Variants in GLI2 observed in about 807,000 individuals in gnomAD.
The protein encoded by GLI2 is GLI family zinc finger 2, also known as transcription activator GLI2.
A neutral mutation model predicts 78.9 loss-of-function variants in GLI2; 22 were observed. The ratio of observed to expected loss-of-function variants is 0.28; its 90% CI spans 0.20 to 0.40. The LOEUF is 0.40. Ranked by LOEUF, GLI2 falls within the 10% of genes least tolerant of loss-of-function variation. The pLI is 1.00. For synonymous variants in GLI2, 974 were observed against 963.7 expected (o/e 1.01, Z -0.20); for missense variants, 2,097 against 2,213.2 (o/e 0.95, Z 1.05).
At chr2:120,939,935 C>A (rs186026364) in intron 3 of GLI2, among the ~76,000 whole-genome samples, 169 of 152,332 alleles carry the variant, frequency 1.1e-3, no homozygotes, top group African/African-American at 3.8e-3. Flanking sequence ...CTTGCCCCAT[C>A]ACTTTGGAGG....
intron 5 of GLI2, among the ~76,000 whole-genome samples, chr2:120,960,840 C>T (rs1681517837): frequency 6.6e-6 from 1 of 152,338 alleles, no homozygotes; most frequent in South Asian, 2.1e-4. Flanking sequence ...TGATGAAAAC[C>T]CACCCTCCCT....
In GLI2 at chr2:120,989,261, A is replaced by G. The variant is rs202220727; in HGVS notation, c.3296A>G (p.Asn1099Ser). The change falls in exon 14 of 14, where the codon AAC becomes AGC. Residue 1099 changes from asparagine (N) to serine (S), a missense_variant. This residue lies in a region of GLI2 where 1,290 missense variants were observed against 1,261.7 expected (regional missense o/e 1.02). Coordinates refer to ENST00000361492, the MANE Select transcript of GLI2 (RefSeq NM_001374353.1). ...CGCAGGATGGTGGCTGCGGACTCCA[A>G]CGTGGGCCCCTCCGCCCCTATGCTG... ...GQRRMVAADSNVGPSAPMLGG... is the reference protein window; with the variant it reads ...GQRRMVAADSSVGPSAPMLGG... 3.1e-6 allele frequency: 5 copies of G among 1,613,086 alleles called. No individual in the cohort carries two copies. The highest frequency in any genetic ancestry group is 1.3e-5 in the African/African-American group (1 of 75,054).
chr2:120,893,603 G>A (rs1368840425), intron 2 of GLI2, among the ~76,000 whole-genome samples: 1 of 151,616 alleles, frequency 6.6e-6, no homozygotes, highest in Admixed American at 6.6e-5. Context: ...CAGGGTTGGT[G>A]GCAGTGTCTC....
rs1256789533 is a variant in GLI2 at position 120,989,105 on chromosome 2, A to G, written c.3140A>G (p.Asp1047Gly). Residue 1047 changes from aspartate to glycine, a missense_variant, in exon 14 of 14, where the codon GAC (aspartate) becomes GGC (glycine). Coordinates refer to ENST00000361492, the MANE Select transcript of GLI2 (RefSeq NM_001374353.1). ...CCGGAGGACGACCTGGTGCTTCCAGACGACGTGGTGCAGTACATCAAGGCG... is the reference window on the plus strand; with the variant it reads ...CCGGAGGACGACCTGGTGCTTCCAGGCGACGTGGTGCAGTACATCAAGGCG... ...GLPEDDLVLP[D>G]DVVQYIKAHA... 3.7e-6 allele frequency: 6 copies of G among 1,612,610 alleles called. No individual in the cohort carries two copies. The highest frequency in any genetic ancestry group is 1.3e-5 in the African/African-American group (1 of 74,930).
intron 2 of GLI2, among the ~76,000 whole-genome samples, chr2:120,875,447 G>A (rs549356289): frequency 2.0e-5 from 3 of 152,344 alleles, no homozygotes; most frequent in South Asian, 2.1e-4. Context: ...TCCTTTCTCC[G>A]TGGGGAAATG....
At chr2:120,801,894 C>T (rs1425143688) in intron 2 of GLI2, among the ~76,000 whole-genome samples, 1 of 152,244 alleles carries the variant, frequency 6.6e-6, no homozygotes, top group Non-Finnish European at 1.5e-5. Flanking sequence ...GCTCCTGCCT[C>T]TCACATGGTG....
chr2:120,950,148 T>C (rs1680908770), intron 3 of GLI2, among the ~76,000 whole-genome samples: 1 of 152,216 alleles, frequency 6.6e-6, no homozygotes, highest in Non-Finnish European at 1.5e-5. Context: ...ACAGACACTA[T>C]TATGATCCCC....
chr2:120,986,165 A>G, intron 12 of GLI2, 113 bp from the exon 13 acceptor site: 1 of 929,168 alleles, frequency 1.1e-6, no homozygotes, highest in South Asian at 1.4e-5. Context: ...TCCTTCCCTC[A>G]CCCTCAGCCC....
At chr2:120,925,891 T>C (rs1170739153) in intron 2 of GLI2, among the ~76,000 whole-genome samples, 1 of 151,556 alleles carries the variant, frequency 6.6e-6, no homozygotes, top group Non-Finnish European at 1.5e-5. Context: ...GCTAACACGG[T>C]GAAACCTCGT....
At chr2:120,920,979 C>T (rs1269115172) in intron 2 of GLI2, among the ~76,000 whole-genome samples, 1 of 151,754 alleles carries the variant, frequency 6.6e-6, no homozygotes, top group African/African-American at 2.4e-5. Context: ...CTCAAGGCAG[C>T]GCCTATTCTT....
At chr2:120,842,993 A>G (rs927991049) in intron 2 of GLI2, among the ~76,000 whole-genome samples, 1 of 152,212 alleles carries the variant, frequency 6.6e-6, no homozygotes, top group African/African-American at 2.4e-5. Context: ...AAGTTGGTGC[A>G]CCAGATTAAA....
intron 2 of GLI2, among the ~76,000 whole-genome samples, chr2:120,905,895 A>G (rs766706216): frequency 2.3e-4 from 21 of 90,384 alleles, no homozygotes; most frequent in South Asian, 3.8e-4. Context: ...CATGGGCCCC[A>G]GTGTCCACCC....
Position 120,823,450 on chromosome 2 carries a change from C to T in GLI2, c.148+25982C>T, listed in dbSNP as rs954422619. On this transcript the variant is annotated intron_variant, in intron 2 of 13. Coordinates refer to ENST00000361492, the MANE Select transcript of GLI2 (RefSeq NM_001374353.1). The stretch of plus-strand genomic sequence containing the variant: ...GTGGAGGAGGCAGAGAGGGACATCA[C>T]TCGCCCAGTACACGCTGAAGTGTGC... 5.9e-5 allele frequency among the ~76,000 whole-genome samples: 9 copies of T among 152,312 alleles called. No homozygotes were observed. In the East Asian group the frequency reaches 1.7e-3, roughly 29 times the overall value.
chr2:120,804,188 GA>G (rs1478337596), intron 2 of GLI2, among the ~76,000 whole-genome samples: 1 of 152,284 alleles, frequency 6.6e-6, no homozygotes, highest in East Asian at 1.9e-4. Flanking sequence ...GCCAGAGCTA[GA>G]AAATCCCCTC....
intron 1 of GLI2, among the ~76,000 whole-genome samples, chr2:120,765,090 A>C (rs1212527607): frequency 6.6e-6 from 1 of 151,084 alleles, no homozygotes; most frequent in Admixed American, 6.6e-5. Context: ...CCTTCCTCCT[A>C]CCCCCTTCAG....
intron 2 of GLI2, among the ~76,000 whole-genome samples, chr2:120,810,384 T>G (rs1457627565): frequency 6.6e-6 from 1 of 152,210 alleles, no homozygotes; most frequent in Non-Finnish European, 1.5e-5. Context: ...TCACCAGCTT[T>G]GGCATGGTGT....
chr2:120,853,204 G>A (rs949249055), intron 2 of GLI2, among the ~76,000 whole-genome samples: 5 of 152,142 alleles, frequency 3.3e-5, no homozygotes, highest in African/African-American at 1.2e-4. Flanking sequence ...GGAGGGCCAG[G>A]AGACCTTCAA....
Position 120,990,651 on chromosome 2 carries a change from C to A in GLI2, c.4686C>A (p.Ser1562Arg). Reference protein sequence around the residue: ...SSMLTSLAEESKFLNMMT With the variant: ...SSMLTSLAEERKFLNMMT The stretch of plus-strand genomic sequence containing the variant: ...TGCTCACCAGCCTCGCCGAGGAGAG[C>A]AAGTTCCTGAACATGATGACCTAGA... Residue 1562 changes from serine to arginine, a missense_variant, in exon 14 of 14, where the codon AGC becomes AGA. Ser to Arg is a moderately radical substitution (Grantham distance 110). Transcript: ENST00000361492. 6.2e-7 allele frequency: 1 copy of A among 1,612,746 alleles called. No homozygotes were observed.
At chr2:120,766,364 C>A (rs937675978) in intron 1 of GLI2, among the ~76,000 whole-genome samples, 1 of 152,220 alleles carries the variant, frequency 6.6e-6, no homozygotes, top group African/African-American at 2.4e-5. Flanking sequence ...GCCTCACGCC[C>A]CTGGGGCTGA....
Sources: gnomAD v4.1 joint callset for allele counts (sites outside exome capture counted in the v4.1 genomes callset) on GRCh38, gnomAD v4.1.1 for gene constraint, gnomAD v4.1.1 regional missense constraint, MANE v1.5 for transcripts, NCBI Gene and HGNC (gene_info 2026-07-23, HGNC 2026-07-21) for gene names.